The following ADGRA3 variants were observed in gnomAD, a reference collection of about 807,000 sequenced individuals.
The protein encoded by ADGRA3 is adhesion G protein-coupled receptor A3.
Under a neutral mutation model 119.8 loss-of-function variants are expected in ADGRA3, and 56 were observed. That is an observed-to-expected ratio of 0.47 (90% CI 0.38 to 0.58). The LOEUF is 0.58. ADGRA3 is among the 20% of genes least tolerant of loss of function. The pLI, the probability that ADGRA3 is intolerant of heterozygous loss-of-function variation, is 0.00. For synonymous variants in ADGRA3, 607 were observed against 623.8 expected (o/e 0.97, Z 0.40); for missense variants, 1,516 against 1,649.0 (o/e 0.92, Z 1.40).
chr4:22,503,518 T>C (rs1181945017), intron 1 of ADGRA3, among the ~76,000 whole-genome samples: 6 of 152,234 alleles, frequency 3.9e-5, no homozygotes, highest in East Asian at 1.9e-4. Flanking sequence ...TTGCTCTTTC[T>C]TTCAATTAAC....
chr4:22,454,537 T>G (rs1284454089), intron 4 of ADGRA3, among the ~76,000 whole-genome samples: 1 of 152,170 alleles, frequency 6.6e-6, no homozygotes, highest in Non-Finnish European at 1.5e-5. Context: ...CAGCTCACAT[T>G]TTACTATTTC....
At chr4:22,506,497 G>A (rs569013255) in intron 1 of ADGRA3, among the ~76,000 whole-genome samples, 1 of 152,284 alleles carries the variant, frequency 6.6e-6, no homozygotes, top group East Asian at 1.9e-4. Flanking sequence ...AGGTTACACT[G>A]AGCCAAGATC....
At chr4:22,411,671 C>T (rs1046959697) in intron 14 of ADGRA3, among the ~76,000 whole-genome samples, 1 of 152,102 alleles carries the variant, frequency 6.6e-6, no homozygotes, top group Non-Finnish European at 1.5e-5. Flanking sequence ...CAGACTCATG[C>T]TTACAGAAAT....
Position 22,388,482 on chromosome 4 carries a change from T to C in ADGRA3, c.3189A>G (p.Pro1063=). Residue 1063 remains proline, a synonymous_variant, in exon 19 of 19, where the codon CCA becomes CCG. Transcript: ENST00000334304. The stretch of plus-strand genomic sequence containing the variant: ...CTTGCACTGAATACGAGCTCCGTCC[T>C]GGGCAGCAAGTCATGATCCACGCAA... The part of the protein sequence containing the change: ...VRLAWIMTCC[P]GRSSYSVQVN... 1 of 1,614,108 alleles carries C rather than the reference T, an allele frequency of 6.2e-7. No individual in the cohort carries two copies. The highest frequency in any genetic ancestry group is 8.5e-7 in the Non-Finnish European group (1 of 1,180,010).
chr4:22,491,431 T>C (rs1560344071), intron 1 of ADGRA3, among the ~76,000 whole-genome samples: 1 of 152,336 alleles, frequency 6.6e-6, no homozygotes, highest in Middle Eastern at 3.4e-3. Flanking sequence ...AAAGATACTC[T>C]CGACCAAACC....
chr4:22,463,098 A>G (rs886434549), intron 2 of ADGRA3, among the ~76,000 whole-genome samples: 8 of 152,206 alleles, frequency 5.3e-5, no homozygotes, highest in South Asian at 2.1e-4. Flanking sequence ...CTCATCTCCC[A>G]GGGAAGCTGA....
chr4:22,433,160 T>G (rs1203752172), intron 10 of ADGRA3, among the ~76,000 whole-genome samples: 5 of 152,322 alleles, frequency 3.3e-5, no homozygotes, highest in Admixed American at 1.3e-4. Flanking sequence ...TTCCTGTTTC[T>G]CGTGCTGACA....
At chr4:22,469,945 G>A (rs1717797285) in intron 2 of ADGRA3, among the ~76,000 whole-genome samples, 1 of 152,124 alleles carries the variant, frequency 6.6e-6, no homozygotes, top group Admixed American at 6.6e-5. Flanking sequence ...TTTATCCACA[G>A]TACTTGAGAT....
At chr4:22,425,934 C>A (rs1469097624) in intron 10 of ADGRA3, among the ~76,000 whole-genome samples, 1 of 152,170 alleles carries the variant, frequency 6.6e-6, no homozygotes, top group South Asian at 2.1e-4. Flanking sequence ...GAGTACCTAG[C>A]CTGAACACTT....
At chr4:22,418,150 T>A (rs116562683) in intron 12 of ADGRA3, among the ~76,000 whole-genome samples, 312 of 152,170 alleles carry the variant, frequency 2.1e-3, no homozygotes, top group African/African-American at 7.1e-3. Flanking sequence ...GAGAAAAAAT[T>A]GGAAGAGATT....
At chr4:22,513,337 TAG>T (rs966839920) in intron 1 of ADGRA3, among the ~76,000 whole-genome samples, 1 of 151,724 alleles carries the variant, frequency 6.6e-6, no homozygotes, top group African/African-American at 2.4e-5. Context: ...GTATTTTTAG[TAG>T]AGATGGGGCT....
intron 1 of ADGRA3, among the ~76,000 whole-genome samples, chr4:22,487,845 G>T (rs1718485302): frequency 6.6e-6 from 1 of 152,152 alleles, no homozygotes; most frequent in Admixed American, 6.5e-5. Flanking sequence ...TCTCTGAAGT[G>T]ATAACACTAC....
chr4:22,416,466 C>T (rs1290299438), intron 12 of ADGRA3, among the ~76,000 whole-genome samples: 1 of 152,144 alleles, frequency 6.6e-6, no homozygotes, highest in African/African-American at 2.4e-5. Context: ...GTTAACACTG[C>T]ACGACTTTGT....
At chr4:22,504,990 C>G (rs551487749) in intron 1 of ADGRA3, among the ~76,000 whole-genome samples, 4 of 152,228 alleles carry the variant, frequency 2.6e-5, no homozygotes, top group African/African-American at 9.6e-5. Context: ...ACTGACCAAC[C>G]AGGTTACAGG....
At chr4:22,511,090 T>C (rs1052359790) in intron 1 of ADGRA3, among the ~76,000 whole-genome samples, 1 of 152,212 alleles carries the variant, frequency 6.6e-6, no homozygotes, top group East Asian at 1.9e-4. Context: ...CTGGAGGTTA[T>C]CTGACAAATT....
intron 1 of ADGRA3, among the ~76,000 whole-genome samples, chr4:22,479,974 A>T (rs561606299): frequency 1.3e-5 from 2 of 152,290 alleles, no homozygotes; most frequent in East Asian, 3.9e-4. Context: ...GGAGGGGAAC[A>T]TAACACACAG....
chr4:22,498,492 C>T (rs187073260), intron 1 of ADGRA3, among the ~76,000 whole-genome samples: 64 of 142,982 alleles, frequency 4.5e-4, no homozygotes, highest in Non-Finnish European at 1.7e-4. Context: ...GTGGCGGGCG[C>T]CTGTAATCCT....
At chr4:22,504,489 A>G (rs2109176443) in intron 1 of ADGRA3, among the ~76,000 whole-genome samples, 1 of 152,152 alleles carries the variant, frequency 6.6e-6, no homozygotes, top group African/African-American at 2.4e-5. Context: ...TAGCCCTCTC[A>G]TTTTATTCAT....
At chr4:22,457,684 A>G (rs1213210304) in intron 3 of ADGRA3, among the ~76,000 whole-genome samples, 1 of 152,224 alleles carries the variant, frequency 6.6e-6, no homozygotes, top group African/African-American at 2.4e-5. Context: ...TTTAAAATTC[A>G]TTTTGGATGG....
Sources: allele counts gnomAD v4.1 joint callset (sites outside exome capture counted in the v4.1 genomes callset), GRCh38; gene constraint gnomAD v4.1.1; transcripts MANE v1.5; gene names NCBI Gene and HGNC (gene_info 2026-07-23, HGNC 2026-07-21).